The following SUMF1 variants were observed in gnomAD, a reference collection of about 807,000 sequenced individuals.
The protein encoded by SUMF1 is formylglycine-generating enzyme.
SUMF1 carries 48 observed loss-of-function variants against 47.6 expected under a neutral mutation model. The observed-to-expected ratio is 1.01, with a 90% CI of 0.80 to 1.28. SUMF1 has a LOEUF of 1.28. Among genes scored for constraint, SUMF1 ranks in the 50% most tolerant of loss-of-function variants. SUMF1 has a pLI of 0.00. For missense variants in SUMF1, 571 were observed against 485.4 expected, an observed-to-expected ratio of 1.18 and a Z score of -1.66; for synonymous variants, 230 against 192.1, an observed-to-expected ratio of 1.20 and a Z score of -1.63.
chr3:4,294,605 A>C (rs1697807984), intron 8 of SUMF1, among the ~76,000 whole-genome samples: 1 of 152,162 alleles, frequency 6.6e-6, no homozygotes, highest in Admixed American at 6.5e-5. Context: ...CAACAACAAC[A>C]ACAAATGTTA....
chr3:4,220,996 C>G lies in SUMF1; in HGVS notation c.1015-152251G>C, dbSNP rs570550134. Among the ~76,000 whole-genome samples, 5 of 152,268 alleles carry G rather than the reference C, an allele frequency of 3.3e-5. No homozygotes were observed. The South Asian group carries it at 1.0e-3, about 32-fold the overall frequency. Reference sequence around the variant, plus strand: ...TAAATTGGCTTAGCTACTTAACTGTCTGCCCACACATATTTCTCACTATGA... The same window carrying G: ...TAAATTGGCTTAGCTACTTAACTGTGTGCCCACACATATTTCTCACTATGA... On this transcript the variant is annotated intron_variant and NMD_transcript_variant, in intron 8 of 12. Coordinates refer to the SUMF1 transcript ENST00000448413.
intron 8 of SUMF1, among the ~76,000 whole-genome samples, chr3:4,118,926 A>T (rs1341138712): frequency 6.6e-6 from 1 of 152,120 alleles, no homozygotes; most frequent in African/African-American, 2.4e-5. Context: ...CCAATCTGTA[A>T]GTCAATAATT....
At chr3:4,118,534 C>G (rs1057098238) in intron 8 of SUMF1, among the ~76,000 whole-genome samples, 2 of 151,996 alleles carry the variant, frequency 1.3e-5, no homozygotes, top group African/African-American at 4.8e-5. Flanking sequence ...AAATGTGTAC[C>G]TATATTGCTT....
chr3:4,034,630 A>C (rs990385508), intron 9 of SUMF1, among the ~76,000 whole-genome samples: 1 of 152,100 alleles, frequency 6.6e-6, no homozygotes, highest in East Asian at 1.9e-4. Context: ...AGAGACTTAC[A>C]TGGGTATCCA....
chr3:4,146,783 A>G (rs1189998747), intron 8 of SUMF1, among the ~76,000 whole-genome samples: 1 of 149,814 alleles, frequency 6.7e-6, no homozygotes, highest in South Asian at 2.1e-4. Context: ...GAGAACATGC[A>G]GTGTTTGGTT....
At chr3:4,129,717 A>G (rs979834946) in intron 8 of SUMF1, among the ~76,000 whole-genome samples, 4 of 152,174 alleles carry the variant, frequency 2.6e-5, no homozygotes, top group African/African-American at 9.7e-5. Flanking sequence ...GGAAATACTG[A>G]ACACTGGCTC....
intron 9 of SUMF1, among the ~76,000 whole-genome samples, chr3:4,067,548 T>C (rs1404406822): frequency 2.0e-5 from 3 of 152,112 alleles, no homozygotes; most frequent in Admixed American, 6.6e-5. Context: ...ATAAGCAATA[T>C]TGGGACAGAT....
intron 8 of SUMF1, among the ~76,000 whole-genome samples, chr3:4,136,961 G>C (rs1051563476): frequency 5.9e-5 from 9 of 152,094 alleles, no homozygotes; most frequent in Non-Finnish European, 1.0e-4. Context: ...TCATTAAAAA[G>C]TCAAGAAACA....
At chr3:4,305,902 T>C (rs948778775) in intron 8 of SUMF1, among the ~76,000 whole-genome samples, 22 of 152,210 alleles carry the variant, frequency 1.4e-4, no homozygotes, top group Non-Finnish European at 3.2e-4. Flanking sequence ...TACAGTTAGC[T>C]GGCCCAATAT....
At chr3:4,367,781 A>C (rs7428371) in intron 8 of SUMF1, among the ~76,000 whole-genome samples, 3 of 151,254 alleles carry the variant, frequency 2.0e-5, no homozygotes, top group East Asian at 1.9e-4. Context: ...CTGGCTAGCC[A>C]TATGTAGAAA....
At chr3:4,312,347 G>A (rs750203894) in intron 8 of SUMF1, among the ~76,000 whole-genome samples, 2 of 152,140 alleles carry the variant, frequency 1.3e-5, no homozygotes, top group Non-Finnish European at 1.5e-5. Context: ...GACATCCAAA[G>A]ATAAGAGGGA....
chr3:4,048,449 A>C (rs1695045513), intron 9 of SUMF1, among the ~76,000 whole-genome samples: 1 of 152,196 alleles, frequency 6.6e-6, no homozygotes, highest in Non-Finnish European at 1.5e-5. Context: ...CAGAACCAGA[A>C]TTTAAACCCA....
chr3:4,461,937 C>A (rs536835134), intron 1 of SUMF1, among the ~76,000 whole-genome samples: 1 of 152,104 alleles, frequency 6.6e-6, no homozygotes, highest in African/African-American at 2.4e-5. Flanking sequence ...GTGAGATAAC[C>A]CCTTCCCTGC....
chr3:4,240,149 G>T (rs1303982613), intron 8 of SUMF1, among the ~76,000 whole-genome samples: 1 of 152,154 alleles, frequency 6.6e-6, no homozygotes, highest in Admixed American at 6.6e-5. Context: ...ACTTTTTGAT[G>T]TGCTGCTGGA....
rs190626984 is a variant in SUMF1 at position 4,175,794 on chromosome 3, C to A, written c.1015-107049G>T. Among the ~76,000 whole-genome samples, 411 of 152,168 alleles carry A rather than the reference C, an allele frequency of 2.7e-3. 2 individuals carry two copies. Among genetic ancestry groups the A allele is most frequent in the Non-Finnish European group, 5.1e-3 (347 of 67,998 alleles). On this transcript the variant is annotated intron_variant and NMD_transcript_variant, in intron 8 of 12. Coordinates refer to the SUMF1 transcript ENST00000448413. Reference sequence around the variant, plus strand: ...ACAAGGAAGCTAAAAGCCTTGAAAACACATTAGACAAATGGCTAACTAGAA... The same window carrying A: ...ACAAGGAAGCTAAAAGCCTTGAAAAAACATTAGACAAATGGCTAACTAGAA...
Position 4,420,097 on chromosome 3 carries a change from T to C in SUMF1, c.569A>G (p.His190Arg). ...AATAGTAGAGTCAGGCCCTTCTGGG[T>C]GTCTCCAGTTAGCGCCTTTCACAGG... ...WLPVKGANWR[H>R]PEGPDSTILH... Residue 190 changes from histidine (H) to arginine (R), a missense_variant, in exon 4 of 9, where the codon CAC becomes CGC. Coordinates refer to ENST00000272902, the MANE Select transcript of SUMF1 (RefSeq NM_182760.4). 6.2e-7 allele frequency: 1 copy of C among 1,614,106 alleles called. No homozygotes were observed. Among genetic ancestry groups the C allele is most frequent in the Non-Finnish European group, 8.5e-7 (1 of 1,179,994 alleles).
intron 9 of SUMF1, among the ~76,000 whole-genome samples, chr3:4,036,516 A>G (rs940368696): frequency 2.0e-5 from 3 of 152,000 alleles, no homozygotes; most frequent in Non-Finnish European, 4.4e-5. Flanking sequence ...TGAGGGTTCT[A>G]TAACTCTTCC....
intron 8 of SUMF1, among the ~76,000 whole-genome samples, chr3:4,340,144 T>C (rs1228532180): frequency 4.6e-5 from 7 of 151,902 alleles, no homozygotes; most frequent in Non-Finnish European, 1.0e-4. Flanking sequence ...CACGCACTGC[T>C]TGGCCCCAAC....
At chr3:4,148,720 A>G (rs946834304) in intron 8 of SUMF1, among the ~76,000 whole-genome samples, 5 of 152,154 alleles carry the variant, frequency 3.3e-5, no homozygotes, top group African/African-American at 4.8e-5. Flanking sequence ...AAAACAGTCA[A>G]TGGACCACAT....
Sources: allele counts gnomAD v4.1 joint callset (sites outside exome capture counted in the v4.1 genomes callset), GRCh38; gene constraint gnomAD v4.1.1; transcripts MANE v1.5; gene names NCBI Gene and HGNC (gene_info 2026-07-23, HGNC 2026-07-21).